VAV2: variants seen among roughly 807,000 people sequenced by gnomAD.
The protein encoded by VAV2 is guanine nucleotide exchange factor VAV2.
A neutral mutation model predicts 132.5 loss-of-function variants in VAV2; 67 were observed. That is an observed-to-expected ratio of 0.51 (90% confidence interval 0.42 to 0.62). VAV2 has a LOEUF of 0.62. Among genes scored for constraint, VAV2 ranks in the 20% least tolerant of loss-of-function variants. The pLI, the probability that VAV2 is intolerant of heterozygous loss-of-function variation, is 0.00. For missense variants in VAV2, 938 were observed against 1,153.6 expected (o/e 0.81, Z 2.71); for synonymous variants, 492 against 443.5 (o/e 1.11, Z -1.37).
intron 1 of VAV2, among the ~76,000 whole-genome samples, chr9:133,954,498 T>C (rs912701563): frequency 6.6e-6 from 1 of 152,264 alleles, no homozygotes; most frequent in Non-Finnish European, 1.5e-5. Context: ...GCAGTGAATC[T>C]GAGTGAAATC....
intron 2 of VAV2, among the ~76,000 whole-genome samples, chr9:133,871,881 T>C (rs7025729): frequency 0.16 from 24,583 of 151,886 alleles, 2,479 homozygotes; most frequent in African/African-American, 0.29. Flanking sequence ...GGGCCAGCCC[T>C]GCCCCTTCTG....
chr9:133,888,928 T>TCATTCG (rs1016633815), intron 2 of VAV2, among the ~76,000 whole-genome samples: 1 of 152,164 alleles, frequency 6.6e-6, no homozygotes, highest in African/African-American at 2.4e-5. Context: ...GGACAGCCCG[T>TCATTCG]CATTCGCATT....
At chr9:133,973,732 C>T (rs1842417352) in intron 1 of VAV2, among the ~76,000 whole-genome samples, 1 of 152,204 alleles carries the variant, frequency 6.6e-6, no homozygotes, top group Non-Finnish European at 1.5e-5. Flanking sequence ...GTCCCTGGGA[C>T]ATTGCCAGTG....
At position 133,810,217 on chromosome 9, in the gene VAV2, G is replaced by A; in HGVS notation, c.553-12C>T. 6.2e-7 allele frequency: 1 copy of A among 1,613,432 alleles called. No homozygotes were observed. On this transcript the variant is annotated splice_polypyrimidine_tract_variant and intron_variant, in intron 5 of 29. Coordinates refer to ENST00000371850, the MANE Select transcript of VAV2 (RefSeq NM_001134398.2). ...TGCATGTATCTAATCTGCAAGCGTG[G>A]AGAAAGAACCAGAAACAGCGCCGGT... is the stretch of plus-strand genomic sequence containing the variant.
chr9:133,779,460 T>C (rs1001359380), intron 21 of VAV2, among the ~76,000 whole-genome samples: 3 of 152,236 alleles, frequency 2.0e-5, no homozygotes, highest in Non-Finnish European at 4.4e-5. Flanking sequence ...CCTCTGCCGA[T>C]GAGGGTGAGG....
chr9:133,950,690 C>A (rs1481667269), intron 1 of VAV2, among the ~76,000 whole-genome samples: 1 of 152,210 alleles, frequency 6.6e-6, no homozygotes, highest in African/African-American at 2.4e-5. Context: ...TGGCTCTGAG[C>A]AATTAGCCCA....
chr9:133,966,526 C>A (rs907774798), intron 1 of VAV2, among the ~76,000 whole-genome samples: 1 of 151,954 alleles, frequency 6.6e-6, no homozygotes, highest in Non-Finnish European at 1.5e-5. Context: ...TGCAATATGG[C>A]GAGACCCCGT....
intron 9 of VAV2, among the ~76,000 whole-genome samples, chr9:133,801,382 G>C (rs1313560308): frequency 6.6e-6 from 1 of 152,228 alleles, no homozygotes; most frequent in Admixed American, 6.5e-5. Flanking sequence ...TTCTGAGGTC[G>C]CCCAAGAAGG....
chr9:133,819,807 A>G (rs1835714546), intron 4 of VAV2, among the ~76,000 whole-genome samples: 1 of 152,214 alleles, frequency 6.6e-6, no homozygotes, highest in Non-Finnish European at 1.5e-5. Flanking sequence ...TTGAAATTCT[A>G]AAACAGTGGA....
chr9:133,837,731 T>C (rs1159746584), intron 3 of VAV2, among the ~76,000 whole-genome samples: 1 of 151,586 alleles, frequency 6.6e-6, no homozygotes, highest in African/African-American at 2.4e-5. Context: ...AAAAAAAACC[T>C]TTTTAAAAAC....
chr9:133,990,149 G>A (rs547696261), intron 1 of VAV2, among the ~76,000 whole-genome samples: 37 of 152,090 alleles, frequency 2.4e-4, no homozygotes, highest in South Asian at 8.3e-4. Flanking sequence ...CAATCAGAGC[G>A]GAGAGCCACA....
chr9:133,834,045 G>A lies in VAV2; in HGVS notation c.449+227C>T, dbSNP rs1836364915. 6.6e-6 allele frequency among the ~76,000 whole-genome samples: 1 copy of A among 152,204 alleles called. No individual in the cohort carries two copies. Among genetic ancestry groups the A allele is most frequent in the African/African-American group, 2.4e-5 (1 of 41,448 alleles). ...CTGGGCAGCCTTCTAGAATGTACAA[G>A]GGATATGAAGATCTGCTCATGTCTG... On this transcript the variant is annotated intron_variant, in intron 4 of 29. Transcript: ENST00000371850. The surrounding 1 kb of genome is among the most constrained non-coding windows in gnomAD (Gnocchi z 5.9).
At position 133,964,771 on chromosome 9, in the gene VAV2, T is replaced by C. The variant is rs371646722; in HGVS notation, c.205-25552A>G. Among the ~76,000 whole-genome samples the C allele has an allele frequency of 1.6e-3, 240 of 152,278 alleles. 7 individuals are homozygous for C. In the South Asian group the frequency reaches 0.048, roughly 30 times the overall value. On this transcript the variant is annotated intron_variant, in intron 1 of 29. Transcript: ENST00000371850. The stretch of plus-strand genomic sequence containing the variant: ...AAAAAGCATTTGATAAAATTCAATA[T>C]CATTTTGGGATAAAAACCCTCAAAA...
At chr9:133,831,437 A>C (rs1052847584) in intron 4 of VAV2, among the ~76,000 whole-genome samples, 77 of 149,372 alleles carry the variant, frequency 5.2e-4, no homozygotes, top group African/African-American at 1.8e-3. Flanking sequence ...ACTCCATCTC[A>C]AAAAAAGAAA....
chr9:133,812,365 G>A, intron 4 of VAV2, 149 bp from the exon 5 acceptor site: 1 of 705,832 alleles, frequency 1.4e-6, no homozygotes, highest in Non-Finnish European at 2.4e-6. Flanking sequence ...AGTGGGGTGG[G>A]CCCCGCCTGC....
intron 2 of VAV2, among the ~76,000 whole-genome samples, chr9:133,909,261 G>A (rs952295333): frequency 2.0e-5 from 3 of 152,134 alleles, no homozygotes; most frequent in African/African-American, 4.8e-5. Flanking sequence ...CAGAAGGGGG[G>A]TGAAGATGTG....
In VAV2 at chr9:133,806,042, G is replaced by A. The variant is rs572472688; in HGVS notation, c.836+39C>T. On this transcript the variant is annotated intron_variant, in intron 9 of 29. Transcript: ENST00000371850. ...CTTGTGTAAACTCTCCCGCAGACAG[G>A]GAGGGGCCAAGGAGCCCCAGGAGCC... The A allele has an allele frequency of 3.1e-4, 494 of 1,584,412 alleles. No individual in the cohort carries two copies. The South Asian group carries it at 4.7e-3, about 15-fold the overall frequency.
At chr9:133,789,123 C>G in intron 14 of VAV2, 135 bp downstream of exon 14, 1 of 953,810 alleles carries the variant, frequency 1.0e-6, no homozygotes, top group East Asian at 2.5e-5. Context: ...TAAAACTGAA[C>G]AACACAAAGC....
intron 2 of VAV2, among the ~76,000 whole-genome samples, chr9:133,933,141 C>T (rs1003771749): frequency 1.1e-4 from 17 of 152,242 alleles, no homozygotes; most frequent in African/African-American, 3.1e-4. Context: ...CCCTTTAACA[C>T]GTGGAATGAT....
Sources: gnomAD v4.1 joint callset for allele counts (sites outside exome capture counted in the v4.1 genomes callset) on GRCh38, gnomAD v4.1.1 for gene constraint, Gnocchi (gnomAD v3.1) non-coding constraint, MANE v1.5 for transcripts, NCBI Gene and HGNC (gene_info 2026-07-23, HGNC 2026-07-21) for gene names.